The following NRF1 variants were observed in gnomAD, a reference collection of about 807,000 sequenced individuals.
NRF1 encodes the protein alpha palindromic-binding protein.
Under a neutral mutation model 58.5 loss-of-function variants are expected in NRF1, and 5 were observed. The observed-to-expected ratio is 0.09, with a 90% confidence interval of 0.04 to 0.18. The LOEUF is 0.18. Ranked by LOEUF, NRF1 falls within the 10% of genes least tolerant of loss-of-function variation. The pLI is 1.00. For synonymous variants in NRF1, 224 were observed against 246.7 expected, an observed-to-expected ratio of 0.91 and a Z score of 0.86; for missense variants, 288 against 657.7, an observed-to-expected ratio of 0.44 and a Z score of 6.15.
chr7:129,648,182 T>C (rs907988027), intron 1 of NRF1, among the ~76,000 whole-genome samples: 7 of 152,178 alleles, frequency 4.6e-5, no homozygotes, highest in Non-Finnish European at 8.8e-5. Context: ...TTAACTGTTT[T>C]GTTTATAGTA....
chr7:129,704,827 C>A (rs756968237), intron 5 of NRF1, among the ~76,000 whole-genome samples: 5 of 152,186 alleles, frequency 3.3e-5, no homozygotes, highest in Non-Finnish European at 7.3e-5. Context: ...GATTTCAGAT[C>A]TTCAAATTAG....
chr7:129,746,557 A>G lies in NRF1; in HGVS notation c.1349-8461A>G, dbSNP rs201697934. ...ATTTTTCCAGGCCTGTAAATGGAAG[A>G]TTTTTAAAGGACTTCCTTCCTGCCT... On this transcript the variant is annotated intron_variant, in intron 10 of 10. Transcript: ENST00000393232. 5.3e-5 allele frequency among the ~76,000 whole-genome samples: 8 copies of G among 152,278 alleles called. No homozygotes were observed. The East Asian group carries it at 1.5e-3, about 29-fold the overall frequency.
At chr7:129,639,757 A>G (rs1489557980) in intron 1 of NRF1, among the ~76,000 whole-genome samples, 1 of 152,126 alleles carries the variant, frequency 6.6e-6, no homozygotes. Context: ...CATGCTGGCC[A>G]GGCTGGTCTC....
intron 1 of NRF1, among the ~76,000 whole-genome samples, chr7:129,634,905 C>G (rs1261490854): frequency 1.3e-5 from 2 of 152,154 alleles, no homozygotes; most frequent in African/African-American, 4.8e-5. Context: ...GGCTGGTTGT[C>G]CCTACATAAA....
At chr7:129,620,693 C>T (rs12531460) in intron 1 of NRF1, among the ~76,000 whole-genome samples, 64,875 of 152,048 alleles carry the variant, frequency 0.43, 16,757 homozygotes, top group Non-Finnish European at 0.58. Flanking sequence ...GCCCAAATTA[C>T]TATTGTTTTA....
At chr7:129,754,500 G>A (rs1246415041) in intron 10 of NRF1, among the ~76,000 whole-genome samples, 2 of 110,742 alleles carry the variant, frequency 1.8e-5, no homozygotes, top group Admixed American at 1.9e-4. Context: ...ATGGAAAAAA[G>A]TTGATTTCCT....
In NRF1 at chr7:129,674,096, G is replaced by A. The variant is rs1287616116; in HGVS notation, c.338+2553G>A. On this transcript the variant is annotated intron_variant, in intron 3 of 10. Coordinates refer to ENST00000393232, the MANE Select transcript of NRF1 (RefSeq NM_005011.5). Reference sequence around the variant, plus strand: ...GCGGAGGCTGCAGTGAGCCGAGATCGCACCACTGTACTTTAGCCTAGGCGA... The same window carrying A: ...GCGGAGGCTGCAGTGAGCCGAGATCACACCACTGTACTTTAGCCTAGGCGA... Among the ~76,000 whole-genome samples, 11 of 151,756 alleles carry A rather than the reference G, an allele frequency of 7.2e-5. No individual in the cohort carries two copies. In the East Asian group the frequency reaches 1.5e-3, roughly 21 times the overall value.
At chr7:129,690,745 G>T (rs1802547600) in intron 5 of NRF1, among the ~76,000 whole-genome samples, 199 bp downstream of exon 5, 1 of 152,120 alleles carries the variant, frequency 6.6e-6, no homozygotes, top group Non-Finnish European at 1.5e-5. Context: ...GGGCATGGCT[G>T]TGGTCTCCTC....
intron 8 of NRF1, among the ~76,000 whole-genome samples, chr7:129,712,634 C>A (rs2116202035): frequency 6.6e-6 from 1 of 152,272 alleles, no homozygotes; most frequent in East Asian, 1.9e-4. Context: ...TCATGGGACT[C>A]CAGTCTAGTG....
intron 1 of NRF1, among the ~76,000 whole-genome samples, chr7:129,639,791 G>A (rs993716849): frequency 5.3e-5 from 8 of 151,962 alleles, no homozygotes; most frequent in Admixed American, 1.3e-4. Context: ...CAGGTGATCC[G>A]CCTGCCTCAG....
chr7:129,641,877 C>G (rs1801298133), intron 1 of NRF1: 1 of 151,784 alleles, frequency 6.6e-6, no homozygotes, highest in Non-Finnish European at 1.5e-5. Flanking sequence ...GATGGAGTTT[C>G]ACCATGTTAG....
At chr7:129,631,876 A>G (rs1695712113) in intron 1 of NRF1, among the ~76,000 whole-genome samples, 1 of 152,212 alleles carries the variant, frequency 6.6e-6, no homozygotes, top group South Asian at 2.1e-4. Context: ...ATAGATTGGA[A>G]TGTTTGCTAC....
intron 2 of NRF1, among the ~76,000 whole-genome samples, chr7:129,663,669 C>T (rs527344348): frequency 6.6e-6 from 1 of 151,862 alleles, no homozygotes; most frequent in Non-Finnish European, 1.5e-5. Flanking sequence ...AGGGGCTCCT[C>T]ACATCCCAGA....
At chr7:129,660,756 T>G (rs1801762192) in intron 2 of NRF1, among the ~76,000 whole-genome samples, 1 of 150,618 alleles carries the variant, frequency 6.6e-6, no homozygotes, top group Non-Finnish European at 1.5e-5. Context: ...GTCTGTGGCT[T>G]TTCCAGGCAA....
intron 1 of NRF1, among the ~76,000 whole-genome samples, chr7:129,639,282 A>G (rs1476759617): frequency 6.6e-6 from 1 of 151,352 alleles, no homozygotes; most frequent in African/African-American, 2.4e-5. Flanking sequence ...CTGCTCTCAA[A>G]CTCCTGACAA....
At chr7:129,754,462 CTT>C (rs1804200354) in intron 10 of NRF1, among the ~76,000 whole-genome samples, 1 of 3,078 alleles carries the variant, frequency 3.2e-4, no homozygotes, top group Admixed American at 3.0e-3. Context: ...GACCCTGTCT[CTT>C]AAAAAAAAAA....
At chr7:129,671,303 A>G (rs1802042147) in intron 2 of NRF1, 126 bp from the exon 3 acceptor site, 1 of 598,402 alleles carries the variant, frequency 1.7e-6, no homozygotes, top group Non-Finnish European at 3.0e-6. Context: ...TAATATCAGG[A>G]TCATTCTTTA....
chr7:129,667,305 TG>T (rs1801945158), intron 2 of NRF1, among the ~76,000 whole-genome samples: 1 of 152,164 alleles, frequency 6.6e-6, no homozygotes, highest in South Asian at 2.1e-4. Flanking sequence ...ATCTCAGTGT[TG>T]GTTTAATTTG....
At chr7:129,692,674 A>T (rs1266674836) in intron 5 of NRF1, among the ~76,000 whole-genome samples, 2 of 152,166 alleles carry the variant, frequency 1.3e-5, no homozygotes, top group African/African-American at 4.8e-5. Flanking sequence ...AATCAAATTC[A>T]GACTCTGCCA....
Sources: allele counts gnomAD v4.1 joint callset (sites outside exome capture counted in the v4.1 genomes callset), GRCh38; gene constraint gnomAD v4.1.1; transcripts MANE v1.5; gene names NCBI Gene and HGNC (gene_info 2026-07-23, HGNC 2026-07-21).